SF3B3: variants seen among roughly 807,000 people sequenced by gnomAD.
SF3B3 encodes SAP 130.
Under a neutral mutation model 139.2 loss-of-function variants are expected in SF3B3, and 33 were observed. The ratio of observed to expected loss-of-function variants is 0.24; its 90% CI spans 0.18 to 0.32. The LOEUF (loss-of-function observed/expected upper bound fraction) is 0.32, where lower values mean the gene tolerates loss of function less well. Ranked by LOEUF, SF3B3 falls within the 10% of genes least tolerant of loss-of-function variation. The pLI is 1.00. For synonymous variants in SF3B3, 596 were observed against 563.6 expected (o/e 1.06, Z -0.81); for missense variants, 818 against 1,509.4 (o/e 0.54, Z 7.59).
intron 11 of SF3B3, chr16:70,550,255 G>C (rs2050309778): frequency 6.6e-6 from 1 of 152,266 alleles, no homozygotes. Context: ...GTGGTGAAAG[G>C]CACAGGTACA....
intron 9 of SF3B3, among the ~76,000 whole-genome samples, chr16:70,543,271 A>G (rs1170038808): frequency 1.3e-5 from 2 of 151,936 alleles, no homozygotes; most frequent in South Asian, 2.1e-4. Context: ...TTAGCCAGGC[A>G]TGGTGGCGCA....
At position 70,571,121 on chromosome 16, in the gene SF3B3, A is replaced by C. The variant is rs749154198; in HGVS notation, c.3435A>C (p.Glu1145Asp). ...ACCATGACTTCTTCCAGCATGTGGA[A>C]ATGCACCTGCGGTCTGAACATCCCC... ...HEDHDFFQHV[E>D]MHLRSEHPPL... Residue 1145 changes from glutamate (E) to aspartate (D), a missense_variant, in exon 25 of 26, where the codon GAA becomes GAC. Physicochemically the swap from Glu to Asp is conservative, Grantham distance 45. Around this residue, in one of 14 missense-constraint regions of SF3B3, gnomAD observed 44 missense variants for 40.4 expected, o/e 1.09. Coordinates refer to ENST00000302516, the MANE Select transcript of SF3B3 (RefSeq NM_012426.5). 2 of 1,613,916 alleles carry C rather than the reference A, an allele frequency of 1.2e-6. No homozygotes were observed. Among genetic ancestry groups the C allele is most frequent in the Non-Finnish European group, 1.7e-6 (2 of 1,179,930 alleles).
chr16:70,548,844 T>C (rs1406945111), intron 11 of SF3B3, among the ~76,000 whole-genome samples: 1 of 152,220 alleles, frequency 6.6e-6, no homozygotes, highest in Non-Finnish European at 1.5e-5. Context: ...TTGAAGGTGG[T>C]GTTCTAGGAA....
intron 6 of SF3B3, among the ~76,000 whole-genome samples, chr16:70,537,050 C>A (rs1487064142): frequency 1.3e-5 from 2 of 152,056 alleles, no homozygotes; most frequent in Non-Finnish European, 2.9e-5. Context: ...ACCTTGTGAT[C>A]TGCCTGCCTC....
chr16:70,536,573 G>A (rs1202837786), intron 6 of SF3B3, among the ~76,000 whole-genome samples: 3 of 150,890 alleles, frequency 2.0e-5, no homozygotes, highest in South Asian at 4.2e-4. Flanking sequence ...GGGTTTCACC[G>A]TGATCTCAAT....
chr16:70,544,178 G>A (rs1233717515), intron 9 of SF3B3, among the ~76,000 whole-genome samples: 1 of 152,178 alleles, frequency 6.6e-6, no homozygotes, highest in African/African-American at 2.4e-5. Context: ...GGAGACTGGT[G>A]TGATGGCTGT....
At chr16:70,542,178 T>A (rs1020400275) in intron 9 of SF3B3, among the ~76,000 whole-genome samples, 2 of 151,992 alleles carry the variant, frequency 1.3e-5, no homozygotes, top group Non-Finnish European at 2.9e-5. Flanking sequence ...TTGTGACTGC[T>A]TCTAGGTGTT....
At position 70,530,171 on chromosome 16, in the gene SF3B3, T is replaced by TAAATA. The variant is rs1440252189; in HGVS notation, c.398-572_398-571insATAAA. 2.9e-5 allele frequency among the ~76,000 whole-genome samples: 4 copies of TAAATA among 137,088 alleles called. No homozygotes were observed. In the East Asian group the frequency reaches 6.6e-4, roughly 22 times the overall value. The allele number at this position is 137,088 out of a possible 152,430, so 89.9% of individuals were successfully genotyped here. A position where few individuals can be genotyped will look rare whatever the true frequency, so the allele number is the denominator to read the frequency against. ...ATAAATAAATAAATAAATAAATAAA[T>TAAATA]AAGAGAGAGATGGGGATCTCACAAT... On this transcript the variant is annotated intron_variant, in intron 3 of 25. Coordinates refer to ENST00000302516, the MANE Select transcript of SF3B3 (RefSeq NM_012426.5).
intron 11 of SF3B3, among the ~76,000 whole-genome samples, chr16:70,553,167 C>T (rs1416269422): frequency 6.6e-6 from 1 of 152,110 alleles, no homozygotes; most frequent in Non-Finnish European, 1.5e-5. Context: ...GGTGATCTAC[C>T]CACCTTGGCC....
At chr16:70,570,595 G>A (rs2050519926) in intron 24 of SF3B3, among the ~76,000 whole-genome samples, 1 of 152,152 alleles carries the variant, frequency 6.6e-6, no homozygotes, top group South Asian at 2.1e-4. Context: ...CTCCCAAAGT[G>A]CTGGGATTAC....
At chr16:70,570,331 TGG>T in intron 24 of SF3B3, among the ~76,000 whole-genome samples, 182 bp downstream of exon 24, 1 of 134,026 alleles carries the variant, frequency 7.5e-6, no homozygotes, top group African/African-American at 2.8e-5. Context: ...GAAGGCCATT[TGG>T]TTTTTTTTTT....
At position 70,538,303 on chromosome 16, in the gene SF3B3, T is replaced by A; in HGVS notation, c.826-20T>A. On this transcript the variant is annotated intron_variant, in intron 6 of 25. Coordinates refer to ENST00000302516, the MANE Select transcript of SF3B3 (RefSeq NM_012426.5). Reference sequence around the variant, plus strand: ...AAGTACCCATTTCTAAGACATTGATTGTGTTTTTGACTTTGCTAGAATGAC... The same window carrying A: ...AAGTACCCATTTCTAAGACATTGATAGTGTTTTTGACTTTGCTAGAATGAC... 1 of 1,609,782 alleles carries A rather than the reference T, an allele frequency of 6.2e-7. No individual in the cohort carries two copies. Among genetic ancestry groups the A allele is most frequent in the South Asian group, 1.1e-5 (1 of 90,878 alleles).
intron 11 of SF3B3, among the ~76,000 whole-genome samples, chr16:70,553,081 A>G (rs570312742): frequency 1.3e-5 from 2 of 152,010 alleles, no homozygotes; most frequent in Admixed American, 6.5e-5. Context: ...TAATTTTTGT[A>G]TTTTATTTTA....
rs201591416 is a variant in SF3B3, at chr16:70,543,415, G to A, written c.1234-1023G>A. 3.9e-3 allele frequency among the ~76,000 whole-genome samples: 405 copies of A among 104,746 alleles called. 1 individual carries two copies. The highest frequency in any genetic ancestry group is 0.012 in the African/African-American group (371 of 30,206). 68.7% of individuals were successfully genotyped at this position (104,746 alleles called of 152,430 possible). A position where few individuals can be genotyped will look rare whatever the true frequency, so the allele number is the denominator to read the frequency against. On this transcript the variant is annotated intron_variant, in intron 9 of 25. Transcript: ENST00000302516. The stretch of plus-strand genomic sequence containing the variant: ...ACGAGCGAAACCCCGTCTCAAAAAA[G>A]AAAAAAAAAAGGCCGGTCACGATGG...
In SF3B3 at chr16:70,575,445, C is replaced by T. The variant is rs2050571396; in HGVS notation, c.*3632C>T. The stretch of plus-strand genomic sequence containing the variant: ...AACTCGTGACCTCAGGTGATCCACC[C>T]ACCTTGGTCTCCCAAAGCGCTGGGA... On this transcript the variant is annotated 3_prime_UTR_variant, in exon 26 of 26. Transcript: ENST00000302516. 6.6e-6 allele frequency: 1 copy of T among 152,188 alleles called. No individual in the cohort carries two copies. The highest frequency in any genetic ancestry group is 2.4e-5 in the African/African-American group (1 of 41,386). The allele number at this position is 152,188 out of a possible 1,614,324, so 9.4% of individuals were successfully genotyped here.
chr16:70,564,152 C>T, intron 18 of SF3B3, 102 bp downstream of exon 18: 1 of 1,190,482 alleles, frequency 8.4e-7, no homozygotes, highest in South Asian at 1.5e-5. Flanking sequence ...GGGAGGATTG[C>T]TTGAGGCCAC....
chr16:70,557,041 A>G lies in SF3B3; in HGVS notation c.2010+12A>G, dbSNP rs1275947213. The G allele has an allele frequency of 6.3e-7, 1 of 1,598,416 alleles. No individual in the cohort carries two copies. Among genetic ancestry groups the G allele is most frequent in the African/African-American group, 1.3e-5 (1 of 74,094 alleles). ...ATATTGGGCTACAGGTAAGAGATCC[A>G]GAGGCCCACATTGTGGACATTAGGC... On this transcript the variant is annotated intron_variant, in intron 15 of 25. Transcript: ENST00000302516.
chr16:70,531,027 G>T (rs568150936), intron 4 of SF3B3, 110 bp downstream of exon 4: 1 of 935,604 alleles, frequency 1.1e-6, no homozygotes, highest in South Asian at 1.6e-5. Context: ...CAGCACTTTG[G>T]GAGGCAAGGC....
rs544816225 is a variant in SF3B3, at chr16:70,541,569, C to T, written c.1068-100C>T. 61 of 937,246 alleles carry T rather than the reference C, an allele frequency of 6.5e-5. 1 individual carries two copies. In the South Asian group the frequency reaches 9.0e-4, roughly 14 times the overall value. The allele number at this position is 937,246 out of a possible 1,614,324, so 58.1% of individuals were successfully genotyped here. On this transcript the variant is annotated intron_variant, in intron 8 of 25. Transcript: ENST00000302516. ...CACCTAAAAATAATAACAATAGTAT[C>T]TTAATATAATCAAATAGCTTGTGCT...
Sources: gnomAD v4.1 joint callset for allele counts (sites outside exome capture counted in the v4.1 genomes callset) on GRCh38, gnomAD v4.1.1 for gene constraint, gnomAD v4.1.1 regional missense constraint, MANE v1.5 for transcripts, NCBI Gene and HGNC (gene_info 2026-07-23, HGNC 2026-07-21) for gene names.